Variants in BLZF1 observed in about 807,000 individuals in gnomAD.
BLZF1 encodes the protein golgin-45.
Under a neutral mutation model 43.8 loss-of-function variants are expected in BLZF1, and 39 were observed. The ratio of observed to expected loss-of-function variants is 0.89; its 90% confidence interval spans 0.69 to 1.16. BLZF1 has a LOEUF of 1.16. Among genes scored for constraint, BLZF1 ranks in the 50% most tolerant of loss-of-function variants. The pLI, the probability that BLZF1 is intolerant of heterozygous loss-of-function variation, is 0.00. For missense variants in BLZF1, 449 were observed against 469.8 expected (o/e 0.96, Z 0.41); for synonymous variants, 136 against 159.4 (o/e 0.85, Z 1.11).
intron 3 of BLZF1, 63 bp downstream of exon 3, chr1:169,377,042 C>A: frequency 7.5e-7 from 1 of 1,335,004 alleles, no homozygotes; most frequent in Non-Finnish European, 1.0e-6. Context: ...TTTAAACGTG[C>A]ATGTTAGAAA....
intron 2 of BLZF1, 93 bp from the exon 3 acceptor site, chr1:169,376,447 C>A: frequency 2.0e-6 from 2 of 1,008,674 alleles, no homozygotes; most frequent in South Asian, 2.8e-5. Context: ...CTTTTTAGTG[C>A]CAGTAATTTT....
exon 8 of BLZF1, chr1:169,396,020 G>A (rs1323174211): frequency 6.6e-6 from 1 of 152,086 alleles, no homozygotes; most frequent in East Asian, 1.9e-4. Flanking sequence ...TGGGTTAGTT[G>A]GGGAATAAAT....
chr1:169,383,106 G>C (rs922534061), intron 6 of BLZF1, among the ~76,000 whole-genome samples: 2 of 152,066 alleles, frequency 1.3e-5, no homozygotes, highest in Admixed American at 6.5e-5. Flanking sequence ...CCCCAGTCCT[G>C]TGTCAGTTCA....
chr1:169,378,682 A>G (rs1451068304), intron 4 of BLZF1, among the ~76,000 whole-genome samples, 153 bp downstream of exon 4: 1 of 151,810 alleles, frequency 6.6e-6, no homozygotes, highest in Non-Finnish European at 1.5e-5. Context: ...TCCTCTGGAT[A>G]GTCACACAGT....
downstream of BLZF1, among the ~76,000 whole-genome samples, chr1:169,389,796 A>G (rs1218647412): frequency 1.3e-5 from 2 of 152,226 alleles, no homozygotes; most frequent in Non-Finnish European, 1.5e-5. Flanking sequence ...TGATGCTACA[A>G]TGTAGATGAA....
At chr1:169,373,012 T>G (rs1654174516) in intron 2 of BLZF1, among the ~76,000 whole-genome samples, 1 of 152,184 alleles carries the variant, frequency 6.6e-6, no homozygotes, top group Non-Finnish European at 1.5e-5. Context: ...TAGTTTGAAT[T>G]TCATCAATAA....
At chr1:169,392,713 A>G (rs149468510), downstream of BLZF1, among the ~76,000 whole-genome samples, 274 of 152,270 alleles carry the variant, frequency 1.8e-3, 1 homozygote, top group African/African-American at 6.2e-3. Context: ...GTAATTAGAG[A>G]GTAGACCTCC....
Position 169,387,085 on chromosome 1 carries a change from C to A in BLZF1, c.1106C>A (p.Thr369Lys). The change falls in exon 7 of 7, where the codon ACA becomes AAA. Residue 369 changes from threonine (T) to lysine (K), a missense_variant. Physicochemically the swap from Thr to Lys is moderately conservative, Grantham distance 78. Coordinates refer to ENST00000367808, the MANE Select transcript of BLZF1 (RefSeq NM_001320973.2). The part of the protein sequence containing the change: ...FESSPTTLLA[T>K]KKNIGRFHPY... ...TCTTCACCAACCACCTTACTTGCTACAAAGAAAAATATTGGACGATTTCAT... is the reference window on the plus strand; with the variant it reads ...TCTTCACCAACCACCTTACTTGCTAAAAAGAAAAATATTGGACGATTTCAT... 6.2e-7 allele frequency: 1 copy of A among 1,613,340 alleles called. No homozygotes were observed. The highest frequency in any genetic ancestry group is 8.5e-7 in the Non-Finnish European group (1 of 1,179,656).
At chr1:169,375,794 A>T (rs1160053877) in intron 2 of BLZF1, among the ~76,000 whole-genome samples, 1 of 151,296 alleles carries the variant, frequency 6.6e-6, no homozygotes, top group African/African-American at 2.4e-5. Flanking sequence ...TTTATAACAT[A>T]TATACATATA....
At chr1:169,383,818 C>T (rs996354557) in intron 6 of BLZF1, among the ~76,000 whole-genome samples, 13 of 152,088 alleles carry the variant, frequency 8.5e-5, no homozygotes, top group Admixed American at 6.6e-4. Context: ...ACTCTTGAAA[C>T]GATTCACTAC....
intron 6 of BLZF1, among the ~76,000 whole-genome samples, chr1:169,384,444 A>C (rs1210376425): frequency 1.3e-5 from 2 of 152,186 alleles, no homozygotes; most frequent in African/African-American, 2.4e-5. Context: ...TCAGAAGGCC[A>C]AATCAGTCAT....
At chr1:169,377,954 CTT>C (rs1329588053) in intron 3 of BLZF1, among the ~76,000 whole-genome samples, 4 of 152,078 alleles carry the variant, frequency 2.6e-5, no homozygotes, top group Admixed American at 6.6e-5. Context: ...AATACACTAA[CTT>C]ATAAATGTTT....
rs370508450 is a variant in BLZF1 at position 169,378,344 on chromosome 1, A to T, written c.483A>T (p.Leu161Phe). ...LRVQTEVNRE[L>F]KKLLVASVGD... is the part of the protein sequence containing the mutation. ...TTCTCTTCTAGGTAAATCGTGAGTT[A>T]AAAAAGTTACTGGTGGCTTCTGTTG... Residue 161 changes from leucine to phenylalanine, a missense_variant, in exon 4 of 7, where the codon TTA becomes TTT. By Grantham distance (22) the Leu-to-Phe change is conservative. Coordinates refer to ENST00000367808, the MANE Select transcript of BLZF1 (RefSeq NM_001320973.2). 3 of 1,612,394 alleles carry T rather than the reference A, an allele frequency of 1.9e-6. No homozygotes were observed. The highest frequency in any genetic ancestry group is 1.3e-5 in the African/African-American group (1 of 74,812).
At chr1:169,395,275 C>T in intron 7 of BLZF1, 2 of 1,292,462 alleles carry the variant, frequency 1.5e-6, no homozygotes, top group Non-Finnish European at 2.1e-6. Flanking sequence ...TATAAAGTTA[C>T]TATTATAGAC....
intron 5 of BLZF1, 30 bp from the exon 6 acceptor site, chr1:169,382,032 A>G (rs1267913654): frequency 2.6e-6 from 4 of 1,539,736 alleles, no homozygotes; most frequent in Admixed American, 1.9e-5. Context: ...CTCTCTTACT[A>G]TGTCCGGTGT....
At chr1:169,379,316 G>A (rs1198128970) in intron 4 of BLZF1, among the ~76,000 whole-genome samples, 1 of 151,966 alleles carries the variant, frequency 6.6e-6, no homozygotes, top group Non-Finnish European at 1.5e-5. Flanking sequence ...TTAGGAAAAT[G>A]TTTTTTCATG....
chr1:169,386,596 G>A (rs1165648048), intron 6 of BLZF1, among the ~76,000 whole-genome samples: 3 of 150,076 alleles, frequency 2.0e-5, no homozygotes, highest in Non-Finnish European at 4.4e-5. Flanking sequence ...GGAGAATGGC[G>A]TGAACCCAGG....
At chr1:169,394,875 A>G (rs1571450927) in intron 7 of BLZF1, 1 of 542,458 alleles carries the variant, frequency 1.8e-6, no homozygotes, top group East Asian at 3.1e-5. Flanking sequence ...ACACATTACA[A>G]CACTGTGAGA....
intron 1 of BLZF1, 167 bp downstream of exon 1, chr1:169,368,509 C>G (rs1271269042): frequency 6.6e-6 from 1 of 152,210 alleles, no homozygotes; most frequent in Non-Finnish European, 1.5e-5. Flanking sequence ...GCAAAGTTGA[C>G]AGGCTTGTCG....
Sources: allele counts gnomAD v4.1 joint callset (sites outside exome capture counted in the v4.1 genomes callset), GRCh38; gene constraint gnomAD v4.1.1; transcripts MANE v1.5; gene names NCBI Gene and HGNC (gene_info 2026-07-23, HGNC 2026-07-21).